The following PELI2 variants were observed in gnomAD, a reference collection of about 807,000 sequenced individuals.
PELI2 encodes the protein pellino E3 ubiquitin protein ligase family member 2, also known as E3 ubiquitin-protein ligase pellino homolog 2.
Under a neutral mutation model 42.3 loss-of-function variants are expected in PELI2, and 23 were observed. The ratio of observed to expected loss-of-function variants is 0.54; its 90% CI spans 0.39 to 0.77. The LOEUF (loss-of-function observed/expected upper bound fraction) is 0.77, where lower values mean the gene tolerates loss of function less well. Among genes scored for constraint, PELI2 ranks in the 30% least tolerant of loss-of-function variants. The pLI is 0.00. For missense variants in PELI2, 463 were observed against 553.2 expected (o/e 0.84, Z 1.64); for synonymous variants, 245 against 212.2 (o/e 1.15, Z -1.34).
At chr14:56,156,971 A>G (rs1248937662) in intron 1 of PELI2, among the ~76,000 whole-genome samples, 1 of 152,220 alleles carries the variant, frequency 6.6e-6, no homozygotes. Context: ...ATTTTTGATC[A>G]TGTATTTATT....
rs181812337 is a variant in PELI2 at position 56,255,870 on chromosome 14, A to G, written c.208-23806A>G. Among the ~76,000 whole-genome samples the G allele has an allele frequency of 2.6e-5, 4 of 152,226 alleles. No individual in the cohort carries two copies. In the East Asian group the frequency reaches 5.8e-4, roughly 22 times the overall value. On this transcript the variant is annotated intron_variant, in intron 2 of 5. Transcript: ENST00000267460. ...TGTACATGTGGCTGGCAGAGAAGGG[A>G]AGATGGAGCCACCACCTTGAACATG...
intron 1 of PELI2, among the ~76,000 whole-genome samples, chr14:56,177,327 G>A (rs1050009637): frequency 1.5e-4 from 23 of 152,232 alleles, no homozygotes; most frequent in Non-Finnish European, 4.4e-5. Flanking sequence ...GAAGGCCCAG[G>A]GATCTGTGGG....
chr14:56,186,135 G>T (rs532392654), intron 2 of PELI2, among the ~76,000 whole-genome samples: 2 of 152,282 alleles, frequency 1.3e-5, no homozygotes, highest in South Asian at 4.2e-4. Context: ...GGAAGAAGGA[G>T]CAGGAGAGAT....
At chr14:56,196,436 T>C (rs909343380) in intron 2 of PELI2, among the ~76,000 whole-genome samples, 7 of 152,238 alleles carry the variant, frequency 4.6e-5, no homozygotes, top group South Asian at 2.1e-4. Context: ...TATTTCTAGG[T>C]TGGTAATCTT....
chr14:56,178,533 GCT>G (rs1885467211), intron 2 of PELI2, 69 bp downstream of exon 2: 2 of 1,538,434 alleles, frequency 1.3e-6, no homozygotes, highest in African/African-American at 1.4e-5. Flanking sequence ...CTTGTCCGCT[GCT>G]CTCTTTCCTT....
Position 56,243,554 on chromosome 14 carries a change from A to AAGGTAATTG in PELI2, c.208-36120_208-36112dup, listed in dbSNP as rs546804674. Among the ~76,000 whole-genome samples the AAGGTAATTG allele has an allele frequency of 2.1e-3, 313 of 152,322 alleles. 1 individual carries two copies. The highest frequency in any genetic ancestry group is 0.01 in the Middle Eastern group (3 of 294). On this transcript the variant is annotated intron_variant, in intron 2 of 5. Coordinates refer to ENST00000267460, the MANE Select transcript of PELI2 (RefSeq NM_021255.3). The stretch of plus-strand genomic sequence containing the variant: ...GGTTGTTGTGAAGAGTAAATCAGTT[A>AAGGTAATTG]AGGTAATTGAAATCTTTCAAATAGT...
At chr14:56,263,932 T>G (rs1888811693) in intron 2 of PELI2, among the ~76,000 whole-genome samples, 3 of 152,138 alleles carry the variant, frequency 2.0e-5, no homozygotes, top group African/African-American at 7.2e-5. Context: ...TTGAAAAAAT[T>G]TTTTAAAATA....
At chr14:56,156,599 G>C (rs1243905082) in intron 1 of PELI2, among the ~76,000 whole-genome samples, 1 of 152,178 alleles carries the variant, frequency 6.6e-6, no homozygotes, top group Non-Finnish European at 1.5e-5. Context: ...TACCAGCACT[G>C]TCCAGTGTAA....
At chr14:56,173,302 T>C (rs1885247327) in intron 1 of PELI2, among the ~76,000 whole-genome samples, 4 of 152,326 alleles carry the variant, frequency 2.6e-5, no homozygotes, top group Middle Eastern at 3.4e-3. Flanking sequence ...GCTGCATCAC[T>C]TGGGGAGCTT....
chr14:56,251,357 T>A (rs1888337241), intron 2 of PELI2, among the ~76,000 whole-genome samples: 1 of 152,220 alleles, frequency 6.6e-6, no homozygotes, highest in Non-Finnish European at 1.5e-5. Flanking sequence ...CCAAGCTTAT[T>A]TTCTTATTTT....
At position 56,162,951 on chromosome 14, in the gene PELI2, A is replaced by T. The variant is rs900379090; in HGVS notation, c.78-15384A>T. Among the ~76,000 whole-genome samples, 66 of 150,948 alleles carry T rather than the reference A, an allele frequency of 4.4e-4. 2 individuals carry two copies. Among genetic ancestry groups the T allele is most frequent in the Middle Eastern group, 3.4e-3 (1 of 292 alleles). Reference sequence around the variant, plus strand: ...GCCCATGTTTTGATGGGATTGTTAGATTTTTTTTTTGTTTGAGCTCCTTAT... The same window carrying T: ...GCCCATGTTTTGATGGGATTGTTAGTTTTTTTTTTTGTTTGAGCTCCTTAT... On this transcript the variant is annotated intron_variant, in intron 1 of 5. Transcript: ENST00000267460.
chr14:56,276,996 T>C (rs1190764906), intron 2 of PELI2, among the ~76,000 whole-genome samples: 2 of 152,336 alleles, frequency 1.3e-5, no homozygotes, highest in East Asian at 1.9e-4. Context: ...CCCTTTTTCA[T>C]GTGCTACATA....
At chr14:56,226,319 A>G (rs980224675) in intron 2 of PELI2, among the ~76,000 whole-genome samples, 1 of 152,108 alleles carries the variant, frequency 6.6e-6, no homozygotes, top group African/African-American at 2.4e-5. Context: ...CACCTCACTG[A>G]TGATCAGCCT....
intron 1 of PELI2, among the ~76,000 whole-genome samples, chr14:56,159,331 C>G (rs1348636894): frequency 6.6e-6 from 1 of 152,216 alleles, no homozygotes; most frequent in East Asian, 1.9e-4. Flanking sequence ...GGCAGGCTAG[C>G]TGGACATGTT....
At chr14:56,222,496 C>T (rs369174301) in intron 2 of PELI2, among the ~76,000 whole-genome samples, 1 of 152,192 alleles carries the variant, frequency 6.6e-6, no homozygotes, top group South Asian at 2.1e-4. Context: ...TGTCTGAAAC[C>T]CTTCATGTAT....
chr14:56,204,675 C>A (rs1439220013), intron 2 of PELI2, among the ~76,000 whole-genome samples: 6 of 151,726 alleles, frequency 4.0e-5, no homozygotes, highest in Non-Finnish European at 8.8e-5. Context: ...AAATGACTCC[C>A]CTGGAAAGGA....
In PELI2 at chr14:56,300,469, A is replaced by AT. The variant is rs1890141881; in HGVS notation, c.*3303_*3304insT. On this transcript the variant is annotated 3_prime_UTR_variant, in exon 6 of 6. Transcript: ENST00000267460. ...GTCTTTTTTTTTTTTTTCATGGAAAAACTCAAACCTCTGTTATTTGGGAGC... is the reference window on the plus strand; with the variant it reads ...GTCTTTTTTTTTTTTTTCATGGAAAATACTCAAACCTCTGTTATTTGGGAGC... 1 of 152,122 alleles carries AT rather than the reference A, an allele frequency of 6.6e-6. No individual in the cohort carries two copies. The highest frequency in any genetic ancestry group is 2.4e-5 in the African/African-American group (1 of 41,338). The allele number at this position is 152,122 out of a possible 1,614,324, so 9.4% of individuals were successfully genotyped here.
chr14:56,214,897 G>A (rs1886845163), intron 2 of PELI2, among the ~76,000 whole-genome samples: 1 of 152,190 alleles, frequency 6.6e-6, no homozygotes, highest in African/African-American at 2.4e-5. Context: ...GTGCAGCATT[G>A]CCAGCGTTGA....
chr14:56,260,119 T>A (rs1566670387), intron 2 of PELI2, among the ~76,000 whole-genome samples: 4 of 151,976 alleles, frequency 2.6e-5, no homozygotes, highest in South Asian at 2.1e-4. Context: ...TGACAAAAAA[T>A]TTAAATGCAT....
Sources: gnomAD v4.1 joint callset for allele counts (sites outside exome capture counted in the v4.1 genomes callset) on GRCh38, gnomAD v4.1.1 for gene constraint, MANE v1.5 for transcripts, NCBI Gene and HGNC (gene_info 2026-07-23, HGNC 2026-07-21) for gene names.